Variants in NAV3 observed in about 807,000 individuals in gnomAD.
NAV3 encodes pore membrane and/or filament interacting like protein 1.
A neutral mutation model predicts 244.7 loss-of-function variants in NAV3; 87 were observed. The ratio of observed to expected loss-of-function variants is 0.36; its 90% CI spans 0.30 to 0.42. The LOEUF is 0.42. Among genes scored for constraint, NAV3 ranks in the 20% least tolerant of loss-of-function variants. The probability of loss-of-function intolerance (pLI) is 1.00; values close to 1 mark genes in which losing one functional copy is unlikely to be tolerated. For synonymous variants in NAV3, 1,126 were observed against 1,042.2 expected, an observed-to-expected ratio of 1.08 and a Z score of -1.55; for missense variants, 2,663 against 2,893.3, an observed-to-expected ratio of 0.92 and a Z score of 1.83.
intron 2 of NAV3, among the ~76,000 whole-genome samples, chr12:77,703,372 T>C (rs982576711): frequency 2.6e-5 from 4 of 152,146 alleles, no homozygotes; most frequent in African/African-American, 9.6e-5. Flanking sequence ...ATTTATTATA[T>C]TGAGTGGTAT....
At chr12:77,616,066 T>C (rs1871132281) in intron 2 of NAV3, among the ~76,000 whole-genome samples, 1 of 152,194 alleles carries the variant, frequency 6.6e-6, no homozygotes, top group Non-Finnish European at 1.5e-5. Flanking sequence ...TTCTAACTGA[T>C]GTTTTATCCT....
chr12:77,721,113 C>T (rs903384987), intron 2 of NAV3, among the ~76,000 whole-genome samples: 6 of 152,072 alleles, frequency 3.9e-5, no homozygotes, highest in East Asian at 1.9e-4. Context: ...AGTGGACCCA[C>T]GGTAAGCTGA....
At chr12:77,705,376 C>A (rs1247921649) in intron 2 of NAV3, among the ~76,000 whole-genome samples, 2 of 151,408 alleles carry the variant, frequency 1.3e-5, no homozygotes, top group Non-Finnish European at 2.9e-5. Flanking sequence ...TACACTTCAG[C>A]CTGGGTGACA....
intron 2 of NAV3, among the ~76,000 whole-genome samples, chr12:77,582,571 A>G (rs1473490657): frequency 6.6e-6 from 1 of 152,230 alleles, no homozygotes; most frequent in Non-Finnish European, 1.5e-5. Context: ...AACCCAGGTT[A>G]TATTTAAATT....
chr12:77,983,344 G>T (rs1351214), intron 5 of NAV3, among the ~76,000 whole-genome samples: 81,556 of 151,960 alleles, frequency 0.54, 22,682 homozygotes, highest in East Asian at 0.72. Context: ...TGAATTTGGT[G>T]ACTGATTGGA....
At chr12:77,652,623 T>C (rs1872878920) in intron 2 of NAV3, among the ~76,000 whole-genome samples, 1 of 152,164 alleles carries the variant, frequency 6.6e-6, no homozygotes, top group Admixed American at 6.5e-5. Context: ...TCCAGATTCA[T>C]TGCCATTAAA....
At chr12:77,922,414 G>C (rs1242734370) in intron 1 of NAV3, among the ~76,000 whole-genome samples, 1 of 151,972 alleles carries the variant, frequency 6.6e-6, no homozygotes, top group African/African-American at 2.4e-5. Context: ...TTATTTTTTA[G>C]TTATTCTCTG....
At chr12:77,952,429 GCTCT>G (rs1157541333) in intron 3 of NAV3, among the ~76,000 whole-genome samples, 1 of 151,932 alleles carries the variant, frequency 6.6e-6, no homozygotes, top group Non-Finnish European at 1.5e-5. Context: ...CTACTTCTGG[GCTCT>G]CTATTCTGTT....
chr12:77,852,751 G>C (rs1464997209), intron 1 of NAV3, among the ~76,000 whole-genome samples: 1 of 152,074 alleles, frequency 6.6e-6, no homozygotes, highest in Non-Finnish European at 1.5e-5. Context: ...CCAGCTAGTA[G>C]AGAATAGGAA....
intron 5 of NAV3, among the ~76,000 whole-genome samples, chr12:77,979,278 G>C (rs1018920773): frequency 6.6e-6 from 1 of 151,074 alleles, no homozygotes; most frequent in East Asian, 2.0e-4. Context: ...TGCTGTCCTG[G>C]TTACTTGGGA....
At chr12:77,610,455 C>G (rs1213976682) in intron 2 of NAV3, among the ~76,000 whole-genome samples, 1 of 152,068 alleles carries the variant, frequency 6.6e-6, no homozygotes, top group African/African-American at 2.4e-5. Flanking sequence ...AGCAGCTACT[C>G]TGGTTCCCTC....
intron 2 of NAV3, among the ~76,000 whole-genome samples, chr12:77,714,226 G>A (rs537182743): frequency 1.1e-3 from 161 of 152,264 alleles, no homozygotes; most frequent in African/African-American, 3.7e-3. Context: ...AATTTGGGAA[G>A]TGAAGCTGTG....
At chr12:77,815,909 G>T (rs1170167542) in intron 2 of NAV3, among the ~76,000 whole-genome samples, 1 of 152,072 alleles carries the variant, frequency 6.6e-6, no homozygotes, top group Non-Finnish European at 1.5e-5. Context: ...GGTATTTTTG[G>T]AACCTCATAT....
chr12:78,022,676 G>T (rs1480029305), intron 9 of NAV3, among the ~76,000 whole-genome samples: 2 of 151,436 alleles, frequency 1.3e-5, no homozygotes, highest in South Asian at 2.1e-4. Context: ...AAATTACTGT[G>T]TACTCCAAAG....
chr12:78,168,699 G>A, intron 23 of NAV3, 56 bp from the exon 24 acceptor site: 1 of 1,132,396 alleles, frequency 8.8e-7, no homozygotes, highest in South Asian at 1.4e-5. Flanking sequence ...CTATGAGCAG[G>A]GAGATTTTAT....
intron 1 of NAV3, among the ~76,000 whole-genome samples, chr12:77,880,836 T>C (rs1050717208): frequency 6.6e-6 from 1 of 152,152 alleles, no homozygotes; most frequent in Non-Finnish European, 1.5e-5. Context: ...GGCTGTTCCA[T>C]CTAGATTTGT....
At chr12:78,067,694 A>G (rs1449751658) in intron 12 of NAV3, among the ~76,000 whole-genome samples, 1 of 152,048 alleles carries the variant, frequency 6.6e-6, no homozygotes, top group Non-Finnish European at 1.5e-5. Flanking sequence ...TTAAACCTCA[A>G]TTGCCATTGA....
At chr12:77,736,232 C>T (rs1156452450) in intron 2 of NAV3, among the ~76,000 whole-genome samples, 4 of 152,108 alleles carry the variant, frequency 2.6e-5, no homozygotes, top group Non-Finnish European at 4.4e-5. Flanking sequence ...TTTATTCTAG[C>T]GAAGGTCAAT....
intron 3 of NAV3, among the ~76,000 whole-genome samples, chr12:77,961,192 ATAAT>A (rs1021776722): frequency 3.6e-5 from 5 of 138,962 alleles, no homozygotes; most frequent in African/African-American, 1.3e-4. Flanking sequence ...TTTGCAATAT[ATAAT>A]ATATATTTTA....
Sources: gnomAD v4.1 joint callset for allele counts (sites outside exome capture counted in the v4.1 genomes callset) on GRCh38, gnomAD v4.1.1 for gene constraint, MANE v1.5 for transcripts, NCBI Gene and HGNC (gene_info 2026-07-23, HGNC 2026-07-21) for gene names.